The following GRIK2 variants were observed in gnomAD, a reference collection of about 807,000 sequenced individuals.
GRIK2 encodes the protein glutamate ionotropic receptor kainate type subunit 2, also known as glutamate receptor ionotropic, kainate 2.
In GRIK2, 32 loss-of-function variants were observed where a neutral mutation model predicts 100.3. The observed-to-expected ratio is 0.32, with a 90% CI of 0.24 to 0.43. GRIK2 has a LOEUF of 0.43. Ranked by LOEUF, GRIK2 falls within the 20% of genes least tolerant of loss-of-function variation. The pLI is 1.00. For missense variants in GRIK2, 843 were observed against 1,114.9 expected (o/e 0.76, Z 3.47); for synonymous variants, 417 against 389.4 (o/e 1.07, Z -0.83).
chr6:101,443,568 G>T (rs1303759549), intron 2 of GRIK2, among the ~76,000 whole-genome samples: 1 of 152,060 alleles, frequency 6.6e-6, no homozygotes, highest in Non-Finnish European at 1.5e-5. Context: ...TAAAGCTAAA[G>T]TGGGGCAGGT....
chr6:101,957,547 T>A (rs1181653129), intron 14 of GRIK2, among the ~76,000 whole-genome samples: 1 of 151,956 alleles, frequency 6.6e-6, no homozygotes, highest in Non-Finnish European at 1.5e-5. Context: ...TTTTGTCTGT[T>A]TTTGTTTTAG....
chr6:101,800,416 G>T (rs933406196), intron 8 of GRIK2, among the ~76,000 whole-genome samples: 2 of 151,714 alleles, frequency 1.3e-5, no homozygotes, highest in East Asian at 3.9e-4. Context: ...ATATGTATAC[G>T]TATATATTTT....
intron 2 of GRIK2, among the ~76,000 whole-genome samples, chr6:101,570,280 A>G (rs1252225968): frequency 6.6e-6 from 1 of 152,128 alleles, no homozygotes; most frequent in Non-Finnish European, 1.5e-5. Context: ...TAAGGAATGA[A>G]TATGATAATC....
chr6:101,414,155 C>T (rs1206980550), intron 2 of GRIK2, among the ~76,000 whole-genome samples: 3 of 152,162 alleles, frequency 2.0e-5, no homozygotes, highest in Non-Finnish European at 2.9e-5. Flanking sequence ...TGAAGGGAGG[C>T]ATCTAGCAGT....
chr6:101,470,039 A>T (rs1277457509), intron 2 of GRIK2, among the ~76,000 whole-genome samples: 2 of 152,126 alleles, frequency 1.3e-5, no homozygotes, highest in Non-Finnish European at 2.9e-5. Context: ...GGGCACATAC[A>T]AGTTCTTAAG....
At chr6:101,900,191 G>T (rs1157596086) in intron 12 of GRIK2, among the ~76,000 whole-genome samples, 1 of 152,056 alleles carries the variant, frequency 6.6e-6, no homozygotes, top group South Asian at 2.1e-4. Flanking sequence ...GGAGCCAGGC[G>T]CTGTGGCTCA....
chr6:101,836,992 C>T (rs959359937), intron 10 of GRIK2, among the ~76,000 whole-genome samples: 3 of 151,956 alleles, frequency 2.0e-5, no homozygotes, highest in African/African-American at 4.8e-5. Flanking sequence ...TTCAGCAGCA[C>T]TGGTCCAGAA....
intron 14 of GRIK2, among the ~76,000 whole-genome samples, chr6:101,938,571 G>A (rs1790750876): frequency 6.6e-6 from 1 of 152,052 alleles, no homozygotes; most frequent in East Asian, 1.9e-4. Context: ...TGTGATATTA[G>A]TGGCTGTGGC....
chr6:101,630,057 A>G (rs1196101184), intron 4 of GRIK2, among the ~76,000 whole-genome samples: 2 of 152,144 alleles, frequency 1.3e-5, no homozygotes, highest in Admixed American at 1.3e-4. Flanking sequence ...GTTCTTTTAT[A>G]TGGCTGCATA....
rs143098635 is a variant in GRIK2 at position 101,822,648 on chromosome 6, A to G, written c.1317+4165A>G. Among the ~76,000 whole-genome samples, 82 of 152,278 alleles carry G rather than the reference A, an allele frequency of 5.4e-4. 1 individual carries two copies. Among genetic ancestry groups the G allele is most frequent in the Admixed American group, 2.7e-3 (42 of 15,278 alleles). On this transcript the variant is annotated intron_variant, in intron 10 of 16. Coordinates refer to ENST00000369134, the MANE Select transcript of GRIK2 (RefSeq NM_021956.5). ...TACTGTGTCCCAGACATAGTTTGAAACACTATCCATGGATTTATTCGTTTA... is the reference window on the plus strand; with the variant it reads ...TACTGTGTCCCAGACATAGTTTGAAGCACTATCCATGGATTTATTCGTTTA...
rs548180401 is a variant in GRIK2 at position 101,644,935 on chromosome 6, T to C, written c.541+18298T>C. ...TCAGTTATCAGTTTGTCACATTTTC[T>C]TCTCCATGCTATAGTAATGATGAGA... is the stretch of plus-strand genomic sequence containing the variant. On this transcript the variant is annotated intron_variant, in intron 4 of 16. Transcript: ENST00000369134. Among the ~76,000 whole-genome samples, 47 of 151,954 alleles carry C rather than the reference T, an allele frequency of 3.1e-4. No homozygotes were observed. The South Asian group carries it at 9.7e-3, about 31-fold the overall frequency.
intron 7 of GRIK2, among the ~76,000 whole-genome samples, chr6:101,758,774 A>G (rs541741227): frequency 6.6e-6 from 1 of 152,178 alleles, no homozygotes; most frequent in South Asian, 2.1e-4. Flanking sequence ...AAACTGGGGG[A>G]ATCATTCTTT....
At chr6:101,509,123 A>G (rs1774171564) in intron 2 of GRIK2, among the ~76,000 whole-genome samples, 1 of 144,732 alleles carries the variant, frequency 6.9e-6, no homozygotes, top group African/African-American at 2.6e-5. Flanking sequence ...ATGCCACTGC[A>G]CTCCAGTCTG....
chr6:101,636,103 T>C (rs1197292588), intron 4 of GRIK2, among the ~76,000 whole-genome samples: 1 of 152,038 alleles, frequency 6.6e-6, no homozygotes, highest in Non-Finnish European at 1.5e-5. Flanking sequence ...TCAACCCAAA[T>C]GCCCATCAAT....
chr6:101,860,925 T>C (rs2128443805), intron 11 of GRIK2: 1 of 928,262 alleles, frequency 1.1e-6, no homozygotes, highest in Non-Finnish European at 1.3e-6. Context: ...GCATTAGGTA[T>C]TGTTAGTCCT....
intron 4 of GRIK2, among the ~76,000 whole-genome samples, chr6:101,648,523 G>T (rs1781635757): frequency 6.6e-6 from 1 of 151,982 alleles, no homozygotes; most frequent in South Asian, 2.1e-4. Flanking sequence ...TCTGGGAAAT[G>T]AATATAAAAA....
intron 7 of GRIK2, among the ~76,000 whole-genome samples, chr6:101,733,118 T>C (rs1428337395): frequency 6.6e-6 from 1 of 152,108 alleles, no homozygotes; most frequent in East Asian, 1.9e-4. Context: ...AAAATTCATG[T>C]CCTCACATAC....
chr6:101,794,385 A>G (rs1780140744), intron 7 of GRIK2, among the ~76,000 whole-genome samples: 2 of 152,052 alleles, frequency 1.3e-5, no homozygotes, highest in Non-Finnish European at 2.9e-5. Context: ...TGTAGGCAGT[A>G]TATAGTTGGG....
intron 2 of GRIK2, among the ~76,000 whole-genome samples, chr6:101,555,675 A>C (rs1020117037): frequency 6.6e-6 from 1 of 152,188 alleles, no homozygotes; most frequent in African/African-American, 2.4e-5. Flanking sequence ...GAAATTTTAA[A>C]TATGAATTGT....
Sources: allele counts gnomAD v4.1 joint callset (sites outside exome capture counted in the v4.1 genomes callset), GRCh38; gene constraint gnomAD v4.1.1; transcripts MANE v1.5; gene names NCBI Gene and HGNC (gene_info 2026-07-23, HGNC 2026-07-21).